UNC5D: variants seen among roughly 807,000 people sequenced by gnomAD.
UNC5D encodes the protein netrin receptor UNC5D.
In UNC5D, 39 loss-of-function variants were observed where a neutral mutation model predicts 105.4. That is an observed-to-expected ratio of 0.37 (90% CI 0.29 to 0.48). The LOEUF (loss-of-function observed/expected upper bound fraction) is 0.48. Among genes scored for constraint, UNC5D ranks in the 20% least tolerant of loss-of-function variants. UNC5D has a pLI of 0.98. For missense variants in UNC5D, 991 were observed against 1,202.4 expected (o/e 0.82, Z 2.60); for synonymous variants, 452 against 450.4 (o/e 1.00, Z -0.04).
chr8:35,709,744 G>T (rs965197977), intron 8 of UNC5D, among the ~76,000 whole-genome samples: 1 of 151,902 alleles, frequency 6.6e-6, no homozygotes, highest in African/African-American at 2.4e-5. Flanking sequence ...ACTGAGGGGA[G>T]AAAAACAAGG....
intron 1 of UNC5D, among the ~76,000 whole-genome samples, chr8:35,467,235 G>A (rs903616651): frequency 6.6e-6 from 1 of 152,120 alleles, no homozygotes; most frequent in African/African-American, 2.4e-5. Flanking sequence ...TTGAGCACTG[G>A]ATGGATAGTT....
chr8:35,488,511 G>A (rs1190562062), intron 1 of UNC5D, among the ~76,000 whole-genome samples: 3 of 152,194 alleles, frequency 2.0e-5, no homozygotes, highest in African/African-American at 7.2e-5. Flanking sequence ...TTGCCTCTGA[G>A]GGCCTTGGGG....
intron 1 of UNC5D, among the ~76,000 whole-genome samples, chr8:35,284,161 T>A (rs1215816304): frequency 6.6e-6 from 1 of 152,184 alleles, no homozygotes; most frequent in Admixed American, 6.5e-5. Flanking sequence ...AGTGTATGCT[T>A]TTCTCTGAAA....
chr8:35,682,588 A>T (rs375882700), intron 4 of UNC5D, among the ~76,000 whole-genome samples: 3 of 152,226 alleles, frequency 2.0e-5, no homozygotes, highest in Non-Finnish European at 4.4e-5. Context: ...TTGCTTAGAC[A>T]TGGAAGCAGA....
intron 11 of UNC5D, among the ~76,000 whole-genome samples, chr8:35,742,327 C>T (rs970928243): frequency 1.3e-5 from 2 of 151,560 alleles, no homozygotes; most frequent in Non-Finnish European, 2.9e-5. Flanking sequence ...ATTTTAGTAC[C>T]CCAGGTCAAA....
chr8:35,328,968 C>T (rs1810391303), intron 1 of UNC5D, among the ~76,000 whole-genome samples: 1 of 152,300 alleles, frequency 6.6e-6, no homozygotes, highest in South Asian at 2.1e-4. Flanking sequence ...AAAACACACA[C>T]TCCTGCATCA....
intron 1 of UNC5D, among the ~76,000 whole-genome samples, chr8:35,343,219 C>T (rs934607378): frequency 5.9e-5 from 9 of 151,984 alleles, no homozygotes; most frequent in Non-Finnish European, 8.8e-5. Flanking sequence ...TCTGATCTGT[C>T]GAGCTCTCCT....
chr8:35,708,416 T>G (rs1827735011), intron 8 of UNC5D, among the ~76,000 whole-genome samples: 2 of 152,234 alleles, frequency 1.3e-5, no homozygotes, highest in South Asian at 4.1e-4. Flanking sequence ...TCTGCACATC[T>G]TAAATTATCT....
At chr8:35,715,618 G>A (rs12334997) in intron 8 of UNC5D, among the ~76,000 whole-genome samples, 3,825 of 152,268 alleles carry the variant, frequency 0.025, 163 homozygotes, top group African/African-American at 0.086. Context: ...GCATGTTTGA[G>A]AAGTTTGTGA....
intron 1 of UNC5D, among the ~76,000 whole-genome samples, chr8:35,352,823 G>A (rs1812334101): frequency 6.6e-6 from 1 of 152,102 alleles, no homozygotes; most frequent in South Asian, 2.1e-4. Context: ...ATGTTGGCCA[G>A]TCTGGTCTCA....
intron 1 of UNC5D, among the ~76,000 whole-genome samples, chr8:35,472,085 G>T (rs1809773437): frequency 6.6e-6 from 1 of 152,168 alleles, no homozygotes; most frequent in Non-Finnish European, 1.5e-5. Context: ...TTTAAATGAA[G>T]TTGCTACTTA....
In UNC5D at chr8:35,554,394, A is replaced by G. The variant is rs564757488; in HGVS notation, c.322+4884A>G. ...CACTTGCAGTTCTCTGCACTAGCCA[A>G]GGGATCCTCTTTCATTTGTTCTGCC... On this transcript the variant is annotated intron_variant, in intron 2 of 16. Transcript: ENST00000404895. Among the ~76,000 whole-genome samples, 48 of 152,370 alleles carry G rather than the reference A, an allele frequency of 3.2e-4. No homozygotes were observed. The South Asian group carries it at 9.5e-3, about 30-fold the overall frequency.
chr8:35,380,286 C>A (rs1802969613), intron 1 of UNC5D, among the ~76,000 whole-genome samples: 1 of 151,468 alleles, frequency 6.6e-6, no homozygotes, highest in African/African-American at 2.4e-5. Context: ...GTCCTAGTCC[C>A]ACTATGAGGA....
At chr8:35,543,073 G>C (rs910224206) in intron 1 of UNC5D, among the ~76,000 whole-genome samples, 2 of 152,144 alleles carry the variant, frequency 1.3e-5, no homozygotes, top group African/African-American at 4.8e-5. Context: ...ATTCACCCAA[G>C]GTCACAGAGT....
chr8:35,717,169 G>A (rs1388975632), intron 8 of UNC5D, among the ~76,000 whole-genome samples: 1 of 152,192 alleles, frequency 6.6e-6, no homozygotes, highest in East Asian at 1.9e-4. Flanking sequence ...ATGGCATTCT[G>A]CAATATCCAA....
At chr8:35,428,997 A>C in intron 1 of UNC5D, among the ~76,000 whole-genome samples, 1 of 152,274 alleles carries the variant, frequency 6.6e-6, no homozygotes, top group African/African-American at 2.4e-5. Flanking sequence ...AGCTGGAGTA[A>C]ATCCATCTCT....
chr8:35,549,204 T>C lies in UNC5D; in HGVS notation c.104-88T>C, dbSNP rs1815920286. The C allele has an allele frequency of 6.5e-6, 8 of 1,233,404 alleles. No homozygotes were observed. The Admixed American group carries it at 1.6e-4, about 24-fold the overall frequency. The allele number at this position is 1,233,404 out of a possible 1,614,324, so 76.4% of individuals were successfully genotyped here. A position where few individuals can be genotyped will look rare whatever the true frequency, so the allele number is the denominator to read the frequency against. On this transcript the variant is annotated intron_variant, in intron 1 of 16. Coordinates refer to ENST00000404895, the MANE Select transcript of UNC5D (RefSeq NM_080872.4). Reference sequence around the variant, plus strand: ...AAGCGAATATTTCTCCAGCACAGAATCTTAGAGCTGGTGCAGGTTTGCCAT... The same window carrying C: ...AAGCGAATATTTCTCCAGCACAGAACCTTAGAGCTGGTGCAGGTTTGCCAT...
At chr8:35,651,703 A>T (rs1563632353) in intron 4 of UNC5D, among the ~76,000 whole-genome samples, 3 of 152,142 alleles carry the variant, frequency 2.0e-5, no homozygotes, top group Admixed American at 2.0e-4. Flanking sequence ...CTTTCACTAT[A>T]TATAATGTAT....
At position 35,746,693 on chromosome 8, in the gene UNC5D, A is replaced by ATAATTCCCC. The variant is rs1830021278; in HGVS notation, c.1767-1833_1767-1825dup. Reference sequence around the variant, plus strand: ...CTGATTTCAGTTCATTTGGCATTAAATAATTCCCCAAATTCCCATATGTTT... The same window carrying ATAATTCCCC: ...CTGATTTCAGTTCATTTGGCATTAAATAATTCCCCTAATTCCCCAAATTCCCATATGTTT... On this transcript the variant is annotated intron_variant, in intron 11 of 16. Transcript: ENST00000404895. Among the ~76,000 whole-genome samples, 3 of 152,204 alleles carry ATAATTCCCC rather than the reference A, an allele frequency of 2.0e-5. No homozygotes were observed. The South Asian group carries it at 6.2e-4, about 31-fold the overall frequency.
Sources: allele counts gnomAD v4.1 joint callset (sites outside exome capture counted in the v4.1 genomes callset), GRCh38; gene constraint gnomAD v4.1.1; transcripts MANE v1.5; gene names NCBI Gene and HGNC (gene_info 2026-07-23, HGNC 2026-07-21).